The following KLHL18 variants were observed in gnomAD, a reference collection of about 807,000 sequenced individuals.
KLHL18 encodes the protein kelch-like protein 18.
In KLHL18, 38 loss-of-function variants were observed where a neutral mutation model predicts 58.5. That is an observed-to-expected ratio of 0.65 (90% CI 0.50 to 0.85). KLHL18 has a LOEUF of 0.85. Among genes scored for constraint, KLHL18 ranks in the 40% least tolerant of loss-of-function variants. The pLI is 0.00. For missense variants in KLHL18, 624 were observed against 778.4 expected, an observed-to-expected ratio of 0.80 and a Z score of 2.36; for synonymous variants, 303 against 301.9, an observed-to-expected ratio of 1.00 and a Z score of -0.04.
At chr3:47,336,400 C>A in intron 6 of KLHL18, 135 bp from the exon 7 acceptor site, 1 of 740,822 alleles carries the variant, frequency 1.3e-6, no homozygotes, top group Non-Finnish European at 2.2e-6. Context: ...TCTTAGTGGG[C>A]CCTTGTGCCT....
rs139140885 is a variant in KLHL18 at position 47,287,777 on chromosome 3, G to T, written c.129+4683G>T. Among the ~76,000 whole-genome samples the T allele has an allele frequency of 3.0e-4, 45 of 152,154 alleles. 1 individual carries two copies. In the East Asian group the frequency reaches 8.5e-3, roughly 29 times the overall value. Reference sequence around the variant, plus strand: ...TGGGATTACAGGCATCAGCCACCACGCCCGGCCAGTAGTATATATTTATTA... The same window carrying T: ...TGGGATTACAGGCATCAGCCACCACTCCCGGCCAGTAGTATATATTTATTA... On this transcript the variant is annotated intron_variant, in intron 1 of 9. Transcript: ENST00000232766.
intron 1 of KLHL18, among the ~76,000 whole-genome samples, chr3:47,291,363 A>C (rs970155909): frequency 6.6e-6 from 1 of 152,234 alleles, no homozygotes; most frequent in Non-Finnish European, 1.5e-5. Context: ...GGAAGACCTT[A>C]GGAAGAACAT....
rs1704165585 is a variant in KLHL18, at chr3:47,343,774, G to C, written c.1558G>C (p.Val520Leu). The C allele has an allele frequency of 6.2e-7, 1 of 1,614,246 alleles. No individual in the cohort carries two copies. Among genetic ancestry groups the C allele is most frequent in the South Asian group, 1.1e-5 (1 of 91,092 alleles). Residue 520 changes from valine to leucine, a missense_variant, in exon 10 of 10, where the codon GTG becomes CTG. Val to Leu is a conservative substitution (Grantham distance 32). Coordinates refer to ENST00000232766, the MANE Select transcript of KLHL18 (RefSeq NM_025010.5). ...CACGCGCAGGAGCCGGGTCTCCCTG[G>C]TGGCCAGCTGTGGGCGCCTCTACGC... ...MHTRRSRVSL[V>L]ASCGRLYAVG...
chr3:47,322,874 C>T (rs1052588352), intron 3 of KLHL18, among the ~76,000 whole-genome samples, 166 bp downstream of exon 3: 2 of 152,130 alleles, frequency 1.3e-5, no homozygotes, highest in Admixed American at 1.3e-4. Context: ...TAGCAGTGCC[C>T]ACTTCTTTGA....
chr3:47,286,039 CAAAA>C (rs1202754892), intron 1 of KLHL18, among the ~76,000 whole-genome samples: 2 of 122,014 alleles, frequency 1.6e-5, no homozygotes, highest in Non-Finnish European at 3.5e-5. Context: ...GACCCTGTCT[CAAAA>C]AAAAAAAAAA....
At chr3:47,322,844 C>A in intron 3 of KLHL18, 136 bp downstream of exon 3, 2 of 802,146 alleles carry the variant, frequency 2.5e-6, no homozygotes, top group Non-Finnish European at 3.5e-6. Flanking sequence ...GCAGCACTTA[C>A]ATTTCTTGAA....
Position 47,301,649 on chromosome 3 carries a change from G to A in KLHL18, c.130-18004G>A, listed in dbSNP as rs571064549. ...ATGTAGTTGACCCTTGAACAATGTG[G>A]GGGTTGGAATGTTGACCCCCTGCCC... On this transcript the variant is annotated intron_variant, in intron 1 of 9. Coordinates refer to ENST00000232766, the MANE Select transcript of KLHL18 (RefSeq NM_025010.5). Among the ~76,000 whole-genome samples the A allele has an allele frequency of 3.3e-5, 5 of 152,246 alleles. No homozygotes were observed. In the South Asian group the frequency reaches 1.0e-3, roughly 32 times the overall value.
intron 9 of KLHL18, 139 bp from the exon 10 acceptor site, chr3:47,343,416 A>G: frequency 1.0e-6 from 1 of 955,978 alleles, no homozygotes; most frequent in Non-Finnish European, 1.6e-6. Flanking sequence ...CAGCAGAGGG[A>G]ATACTGGGAG....
At chr3:47,340,306 T>G in intron 7 of KLHL18, among the ~76,000 whole-genome samples, 1 of 152,052 alleles carries the variant, frequency 6.6e-6, no homozygotes, top group Non-Finnish European at 1.5e-5. Flanking sequence ...AATTCGACCT[T>G]CACATGGTGA....
intron 1 of KLHL18, 100 bp downstream of exon 1, chr3:47,283,194 G>A: frequency 9.0e-7 from 1 of 1,117,120 alleles, no homozygotes. Context: ...AGGGAGAGGG[G>A]TGGGGAGAAG....
chr3:47,327,654 A>G (rs1703757118), intron 3 of KLHL18, among the ~76,000 whole-genome samples: 1 of 152,238 alleles, frequency 6.6e-6, no homozygotes. Context: ...AACTTTGCCT[A>G]CATCTTGCTC....
chr3:47,325,497 G>T (rs1022475831), intron 3 of KLHL18, among the ~76,000 whole-genome samples: 3 of 151,902 alleles, frequency 2.0e-5, no homozygotes, highest in African/African-American at 7.3e-5. Flanking sequence ...ACGCCCAGCC[G>T]AGGGTGCATC....
At position 47,336,904 on chromosome 3, in the gene KLHL18, C is replaced by T. The variant is rs1704000548; in HGVS notation, c.1121+147C>T. 3 of 655,750 alleles carry T rather than the reference C, an allele frequency of 4.6e-6. No individual in the cohort carries two copies. In the African/African-American group the frequency reaches 5.5e-5, roughly 12 times the overall value. 40.6% of individuals were successfully genotyped at this position (655,750 alleles called of 1,614,324 possible). A position where few individuals can be genotyped will look rare whatever the true frequency, so the allele number is the denominator to read the frequency against. On this transcript the variant is annotated intron_variant, in intron 7 of 9. Transcript: ENST00000232766. ...CCAGGCCAGCCACTGCCAGTACCTC[C>T]TGGGAGCGAGCCCCCATCTGCTTAA...
chr3:47,311,170 C>T (rs541335072), intron 1 of KLHL18, among the ~76,000 whole-genome samples: 12 of 151,988 alleles, frequency 7.9e-5, no homozygotes, highest in Middle Eastern at 3.2e-3. Context: ...CCGCTTCGCC[C>T]GGCTAATTTT....
At chr3:47,285,292 T>C (rs1702650705) in intron 1 of KLHL18, among the ~76,000 whole-genome samples, 1 of 152,202 alleles carries the variant, frequency 6.6e-6, no homozygotes, top group African/African-American at 2.4e-5. Context: ...TTGTCCACAG[T>C]GATTACATGG....
chr3:47,340,727 T>A (rs1233489003), intron 8 of KLHL18, 51 bp downstream of exon 8: 1 of 1,605,788 alleles, frequency 6.2e-7, no homozygotes, highest in Non-Finnish European at 8.5e-7. Context: ...ACAGAGAGTA[T>A]AAAAATCAGA....
intron 1 of KLHL18, among the ~76,000 whole-genome samples, chr3:47,316,943 T>A (rs1703468815): frequency 6.6e-6 from 1 of 151,646 alleles, no homozygotes; most frequent in Non-Finnish European, 1.5e-5. Flanking sequence ...ACCCCATCTC[T>A]AAAAACAAAA....
rs199618228 is a variant in KLHL18, at chr3:47,342,879, G to A, written c.1338+49G>A. On this transcript the variant is annotated intron_variant, in intron 9 of 9. Transcript: ENST00000232766. ...TAAGGGTACCTACTTCTGTCTTTGA[G>A]ATTTATTTTAGAAGATCATTATTTG... The A allele has an allele frequency of 1.7e-4, 229 of 1,366,976 alleles. 2 individuals carry two copies. The African/African-American group carries it at 2.9e-3, about 18-fold the overall frequency. The allele number at this position is 1,366,976 out of a possible 1,614,324, so 84.7% of individuals were successfully genotyped here.
At chr3:47,305,366 A>C (rs1237864714) in intron 1 of KLHL18, among the ~76,000 whole-genome samples, 1 of 86,232 alleles carries the variant, frequency 1.2e-5, no homozygotes, top group Non-Finnish European at 2.4e-5. Flanking sequence ...TTGCATGGAG[A>C]GGGTTGTGTC....
Sources: gnomAD v4.1 joint callset for allele counts (sites outside exome capture counted in the v4.1 genomes callset) on GRCh38, gnomAD v4.1.1 for gene constraint, MANE v1.5 for transcripts, NCBI Gene and HGNC (gene_info 2026-07-23, HGNC 2026-07-21) for gene names.